AKAP6: variants seen among roughly 807,000 people sequenced by gnomAD.
AKAP6 encodes the protein A-kinase anchor protein 6.
Under a neutral mutation model 188.5 loss-of-function variants are expected in AKAP6, and 58 were observed. The observed-to-expected ratio is 0.31, with a 90% CI of 0.25 to 0.38. The LOEUF (loss-of-function observed/expected upper bound fraction) is 0.38, where lower values mean the gene tolerates loss of function less well. Among genes scored for constraint, AKAP6 ranks in the 10% least tolerant of loss-of-function variants. The pLI, the probability that AKAP6 is intolerant of heterozygous loss-of-function variation, is 1.00. For missense variants in AKAP6, 2,710 were observed against 2,740.0 expected, an observed-to-expected ratio of 0.99 and a Z score of 0.24; for synonymous variants, 989 against 998.6, an observed-to-expected ratio of 0.99 and a Z score of 0.18.
chr14:32,549,206 A>G (rs2139167563), intron 4 of AKAP6, among the ~76,000 whole-genome samples: 1 of 152,316 alleles, frequency 6.6e-6, no homozygotes, highest in East Asian at 1.9e-4. Flanking sequence ...AGCCCATATT[A>G]TTAACTAAAT....
At chr14:32,775,463 TTCTC>T (rs969517517) in intron 12 of AKAP6, among the ~76,000 whole-genome samples, 6 of 151,686 alleles carry the variant, frequency 4.0e-5, no homozygotes, top group African/African-American at 9.7e-5. Flanking sequence ...GATGGAGTCT[TTCTC>T]TATCTCCCAG....
intron 2 of AKAP6, among the ~76,000 whole-genome samples, chr14:32,523,191 G>A (rs182142633): frequency 1.3e-5 from 2 of 152,032 alleles, no homozygotes; most frequent in South Asian, 2.1e-4. Flanking sequence ...GTGGGGGAAG[G>A]GGGGGAGGGA....
At position 32,552,272 on chromosome 14, in the gene AKAP6, C is replaced by T. The variant is rs923587641; in HGVS notation, c.2346+5273C>T. On this transcript the variant is annotated intron_variant, in intron 4 of 13. Coordinates refer to ENST00000280979, the MANE Select transcript of AKAP6 (RefSeq NM_004274.5). ...CAGGCCACCATCTGTTTTATTCCTC[C>T]CACAAGATAAAGACTTGGGAATAGA... Among the ~76,000 whole-genome samples, 131 of 152,224 alleles carry T rather than the reference C, an allele frequency of 8.6e-4. 1 individual carries two copies. Among genetic ancestry groups the T allele is most frequent in the African/African-American group, 2.9e-3 (122 of 41,528 alleles).
chr14:32,559,754 C>T (rs968882006), intron 4 of AKAP6, among the ~76,000 whole-genome samples: 11 of 146,204 alleles, frequency 7.5e-5, no homozygotes, highest in African/African-American at 1.5e-4. Flanking sequence ...TGTACAGTTG[C>T]GGTTGGGAGG....
At chr14:32,549,464 G>A (rs564706472) in intron 4 of AKAP6, among the ~76,000 whole-genome samples, 19 of 152,210 alleles carry the variant, frequency 1.2e-4, no homozygotes, top group African/African-American at 4.3e-4. Context: ...GCATGGATAT[G>A]GGGTACAAAG....
intron 4 of AKAP6, among the ~76,000 whole-genome samples, chr14:32,574,364 A>T (rs1884630240): frequency 6.6e-6 from 1 of 152,206 alleles, no homozygotes; most frequent in African/African-American, 2.4e-5. Flanking sequence ...GGATACACAG[A>T]GGTGCCATCC....
At chr14:32,519,667 C>A (rs1199652615) in intron 2 of AKAP6, among the ~76,000 whole-genome samples, 1 of 152,030 alleles carries the variant, frequency 6.6e-6, no homozygotes, top group African/African-American at 2.4e-5. Context: ...ATATATGCAC[C>A]CAATACAGGA....
chr14:32,453,139 A>C (rs751721030), intron 2 of AKAP6, among the ~76,000 whole-genome samples: 4 of 152,194 alleles, frequency 2.6e-5, no homozygotes, highest in Non-Finnish European at 5.9e-5. Context: ...TGAATGTAGG[A>C]TTTTCCATTC....
At position 32,404,304 on chromosome 14, in the gene AKAP6, G is replaced by A. The variant is rs1889201106; in HGVS notation, c.-34-29156G>A. ...CCCTTTAAAATGATGAAAGGTTTTG[G>A]TTAATCCTAGAATTCTTAATCCCCA... On this transcript the variant is annotated intron_variant, in intron 1 of 13. Transcript: ENST00000280979. 2.0e-5 allele frequency among the ~76,000 whole-genome samples: 3 copies of A among 151,944 alleles called. 1 individual carries two copies. The South Asian group carries it at 6.2e-4, about 31-fold the overall frequency.
chr14:32,556,990 G>T (rs1041960863), intron 4 of AKAP6, among the ~76,000 whole-genome samples: 8 of 151,510 alleles, frequency 5.3e-5, no homozygotes, highest in African/African-American at 1.9e-4. Flanking sequence ...TTTCTTTTAG[G>T]ATAAGACACA....
At chr14:32,399,127 TACAGG>T (rs1328477564) in intron 1 of AKAP6, among the ~76,000 whole-genome samples, 1 of 152,190 alleles carries the variant, frequency 6.6e-6, no homozygotes, top group Non-Finnish European at 1.5e-5. Flanking sequence ...GTGCTAGGAT[TACAGG>T]CGTGAGCCAC....
At chr14:32,710,197 CA>C (rs10535937) in intron 9 of AKAP6, among the ~76,000 whole-genome samples, 19,384 of 146,022 alleles carry the variant, frequency 0.13, 2,690 homozygotes, top group East Asian at 0.37. Flanking sequence ...AAAATGGACC[CA>C]AAAAAAAAAA....
chr14:32,702,839 A>G (rs1890669516), intron 9 of AKAP6, among the ~76,000 whole-genome samples: 2 of 152,136 alleles, frequency 1.3e-5, no homozygotes, highest in Non-Finnish European at 2.9e-5. Context: ...GCTGACAGGA[A>G]ATCACTGTCT....
intron 4 of AKAP6, among the ~76,000 whole-genome samples, chr14:32,557,347 T>C (rs888874400): frequency 6.6e-6 from 1 of 152,222 alleles, no homozygotes; most frequent in Non-Finnish European, 1.5e-5. Context: ...ATCCTCCATC[T>C]TGGCCTCCTA....
At chr14:32,701,791 T>A (rs1250910272) in intron 9 of AKAP6, among the ~76,000 whole-genome samples, 1 of 152,140 alleles carries the variant, frequency 6.6e-6, no homozygotes, top group Non-Finnish European at 1.5e-5. Flanking sequence ...TCTAACTAAT[T>A]TCCGATGTGA....
At chr14:32,552,509 T>C (rs1883520648) in intron 4 of AKAP6, among the ~76,000 whole-genome samples, 1 of 152,106 alleles carries the variant, frequency 6.6e-6, no homozygotes, top group South Asian at 2.1e-4. Flanking sequence ...TTGCAAAAGA[T>C]AGATCAAGAA....
chr14:32,364,182 CGAA>C (rs1887752506), intron 1 of AKAP6, among the ~76,000 whole-genome samples: 5 of 151,738 alleles, frequency 3.3e-5, no homozygotes, highest in Admixed American at 2.6e-4. Context: ...AGCAGGAAAA[CGAA>C]GGAAGAAAGG....
intron 1 of AKAP6, among the ~76,000 whole-genome samples, chr14:32,396,366 G>C (rs1373837925): frequency 1.3e-5 from 2 of 152,078 alleles, no homozygotes; most frequent in African/African-American, 2.4e-5. Flanking sequence ...ATTAACTTTG[G>C]GGTTGTCTAC....
intron 1 of AKAP6, among the ~76,000 whole-genome samples, chr14:32,379,033 C>G (rs574099932): frequency 1.3e-4 from 20 of 151,978 alleles, no homozygotes; most frequent in African/African-American, 3.4e-4. Context: ...ATTCTCCTGC[C>G]TCAGCCTCTG....
Sources: gnomAD v4.1 joint callset for allele counts (sites outside exome capture counted in the v4.1 genomes callset) on GRCh38, gnomAD v4.1.1 for gene constraint, MANE v1.5 for transcripts, NCBI Gene and HGNC (gene_info 2026-07-23, HGNC 2026-07-21) for gene names.